Variants in KRT80 observed in about 807,000 individuals in gnomAD.
KRT80 encodes the protein keratin 80.
In KRT80, 36 loss-of-function variants were observed where a neutral mutation model predicts 51.5. The observed-to-expected ratio is 0.70, with a 90% confidence interval of 0.54 to 0.92. The LOEUF is 0.92. Ranked by LOEUF, KRT80 falls within the 40% of genes least tolerant of loss-of-function variation. The pLI, the probability that KRT80 is intolerant of heterozygous loss-of-function variation, is 0.00. For synonymous variants in KRT80, 235 were observed against 248.3 expected (o/e 0.95, Z 0.50); for missense variants, 566 against 591.7 (o/e 0.96, Z 0.45).
At chr12:52,175,366 G>A (rs538920713) in intron 4 of KRT80, among the ~76,000 whole-genome samples, 7 of 152,222 alleles carry the variant, frequency 4.6e-5, no homozygotes, top group East Asian at 1.9e-4. Flanking sequence ...CGGTGCACCC[G>A]GATGCCTGCT....
chr12:52,173,458 C>T (rs538689776), intron 5 of KRT80, 142 bp downstream of exon 5: 10 of 792,254 alleles, frequency 1.3e-5, no homozygotes, highest in African/African-American at 5.1e-5. Flanking sequence ...CCGCCCGCCC[C>T]GTCCCTGTGC....
At position 52,171,381 on chromosome 12, in the gene KRT80, C is replaced by A; in HGVS notation, c.*17G>T. ...TGCTGCAGTGGAGTGCCCTGGGGTT[C>A]CTGGGGTCCAGCCGCCTTACTCTGA... On this transcript the variant is annotated 3_prime_UTR_variant, in exon 9 of 9. Transcript: ENST00000394815. 2 of 1,560,458 alleles carry A rather than the reference C, an allele frequency of 1.3e-6. No individual in the cohort carries two copies. Among genetic ancestry groups the A allele is most frequent in the South Asian group, 2.5e-5 (2 of 80,938 alleles).
At chr12:52,185,672 A>G (rs780305416) in intron 1 of KRT80, 85 bp from the exon 2 acceptor site, 2 of 1,546,702 alleles carry the variant, frequency 1.3e-6, no homozygotes, top group South Asian at 2.3e-5. Context: ...GAGCCCACGG[A>G]GGGCTCCCTG....
Position 52,170,097 on chromosome 12 carries a change from G to A in KRT80, c.*1301C>T, listed in dbSNP as rs1488084544. 2 of 152,446 alleles carry A rather than the reference G, an allele frequency of 1.3e-5. No individual in the cohort carries two copies. The highest frequency in any genetic ancestry group is 2.9e-5 in the Non-Finnish European group (2 of 68,184). The allele number at this position is 152,446 out of a possible 1,614,324, so 9.4% of individuals were successfully genotyped here. A position where few individuals can be genotyped will look rare whatever the true frequency, so the allele number is the denominator to read the frequency against. On this transcript the variant is annotated 3_prime_UTR_variant, in exon 9 of 9. Transcript: ENST00000394815. ...CATTGAGAGCCAAGAGGAGGAGATA[G>A]GAGTATGCCTGCCAACACCCCTGTC...
rs376004589 is a variant in KRT80 at position 52,171,349 on chromosome 12, T to A, written c.*49A>T. On this transcript the variant is annotated 3_prime_UTR_variant, in exon 9 of 9. Transcript: ENST00000394815. Reference sequence around the variant, plus strand: ...GCTGCTTTCTTGAGTCTAGCTTAAGTCCCTCCTGCTGCAGTGGAGTGCCCT... The same window carrying A: ...GCTGCTTTCTTGAGTCTAGCTTAAGACCCTCCTGCTGCAGTGGAGTGCCCT... 1 of 1,520,696 alleles carries A rather than the reference T, an allele frequency of 6.6e-7. No individual in the cohort carries two copies. The allele number at this position is 1,520,696 out of a possible 1,614,324, so 94.2% of individuals were successfully genotyped here.
In KRT80 at chr12:52,171,487, G is replaced by A. The variant is rs774487570; in HGVS notation, c.1270C>T (p.Arg424Ter). 6.2e-6 allele frequency: 10 copies of A among 1,612,902 alleles called. No individual in the cohort carries two copies. Among genetic ancestry groups the A allele is most frequent in the East Asian group, 4.5e-5 (2 of 44,814 alleles). The change falls in exon 9 of 9, where the codon CGA (arginine) becomes TGA (stop). Residue 424 changes from arginine (R) to a stop codon, truncating the protein, a stop_gained. Transcript: ENST00000394815. LOFTEE classifies it high-confidence loss of function. ...SRSGLSKAPS[R>*]KKKGSKGPVI... ...GGGCCTTTGCTGCCCTTCTTCTTTC[G>A]GGAGGGGGCCTTGGAGAGGCCTGAT... is the stretch of plus-strand genomic sequence containing the variant.
chr12:52,186,195 T>A (rs1466543949), intron 1 of KRT80, among the ~76,000 whole-genome samples: 1 of 152,044 alleles, frequency 6.6e-6, no homozygotes. Context: ...CCACCCTGCC[T>A]GTCCTCTCTA....
chr12:52,180,854 G>T, intron 3 of KRT80, 49 bp downstream of exon 3: 1 of 1,605,284 alleles, frequency 6.2e-7, no homozygotes, highest in Non-Finnish European at 8.5e-7. Flanking sequence ...GGGAAAGAGG[G>T]CCCAGGGCCC....
chr12:52,175,668 G>C (rs2120885248), intron 4 of KRT80, among the ~76,000 whole-genome samples: 1 of 152,204 alleles, frequency 6.6e-6, no homozygotes. Context: ...GGGACAGCCT[G>C]TCTCTGCCCT....
intron 1 of KRT80, 32 bp from the exon 2 acceptor site, chr12:52,185,619 G>C (rs774764945): frequency 1.3e-6 from 2 of 1,596,288 alleles, no homozygotes; most frequent in Non-Finnish European, 1.7e-6. Flanking sequence ...GAATGGGTCA[G>C]GTGTGGACCA....
At chr12:52,179,974 T>C (rs1159714566) in intron 4 of KRT80, among the ~76,000 whole-genome samples, 2 of 152,260 alleles carry the variant, frequency 1.3e-5, no homozygotes, top group African/African-American at 2.4e-5. Context: ...GCTGTGTTGA[T>C]GCATGCCATG....
At chr12:52,181,062 G>A in intron 2 of KRT80, 99 bp from the exon 3 acceptor site, 2 of 829,978 alleles carry the variant, frequency 2.4e-6, no homozygotes, top group South Asian at 4.7e-5. Context: ...ATCCCACTTG[G>A]GGTCTCTTTG....
At chr12:52,185,754 G>C in intron 1 of KRT80, 167 bp from the exon 2 acceptor site, 1 of 1,395,962 alleles carries the variant, frequency 7.2e-7, no homozygotes, top group Non-Finnish European at 9.6e-7. Context: ...ATGACTGATT[G>C]TTAAAACTGA....
At chr12:52,184,275 G>A (rs1055042583) in intron 2 of KRT80, among the ~76,000 whole-genome samples, 3 of 152,146 alleles carry the variant, frequency 2.0e-5, no homozygotes, top group Non-Finnish European at 4.4e-5. Flanking sequence ...CTGGCTGGAG[G>A]TCTCCTTGCA....
chr12:52,185,241 G>C (rs1351405834), intron 2 of KRT80, 138 bp downstream of exon 2: 1 of 838,822 alleles, frequency 1.2e-6, no homozygotes, highest in African/African-American at 1.7e-5. Flanking sequence ...GCACATACCA[G>C]TCCCTCAATA....
intron 1 of KRT80, among the ~76,000 whole-genome samples, chr12:52,191,237 C>G (rs1941476212): frequency 6.6e-6 from 1 of 152,178 alleles, no homozygotes; most frequent in Non-Finnish European, 1.5e-5. Flanking sequence ...CCACTTGCCT[C>G]AGAGTAGGAC....
At position 52,169,828 on chromosome 12, in the gene KRT80, C is replaced by T. The variant is rs1286204608; in HGVS notation, c.*1570G>A. 1 of 152,282 alleles carries T rather than the reference C, an allele frequency of 6.6e-6. No homozygotes were observed. Among genetic ancestry groups the T allele is most frequent in the Non-Finnish European group, 1.5e-5 (1 of 68,062 alleles). 9.4% of individuals were successfully genotyped at this position (152,282 alleles called of 1,614,324 possible). A position where few individuals can be genotyped will look rare whatever the true frequency, so the allele number is the denominator to read the frequency against. On this transcript the variant is annotated 3_prime_UTR_variant, in exon 9 of 9. Coordinates refer to ENST00000394815, the MANE Select transcript of KRT80 (RefSeq NM_182507.3). ...CTTTTGGGACTTTGGGGATGAGAAT[C>T]TCTGAGTTCCCATGGCCAGAGAGTC... is the stretch of plus-strand genomic sequence containing the variant.
chr12:52,184,746 C>T (rs1941375585), intron 2 of KRT80, among the ~76,000 whole-genome samples: 1 of 152,182 alleles, frequency 6.6e-6, no homozygotes, highest in African/African-American at 2.4e-5. Context: ...GATATACTGC[C>T]CAGCAACTGT....
In KRT80 at chr12:52,171,058, C is replaced by G. The variant is rs542111879; in HGVS notation, c.*340G>C. The stretch of plus-strand genomic sequence containing the variant: ...TGGGCAAGAGTCAGAGGGGCCTTGG[C>G]AGAGCCTGATGCTGGAGGAGGAGCC... On this transcript the variant is annotated 3_prime_UTR_variant, in exon 9 of 9. Coordinates refer to ENST00000394815, the MANE Select transcript of KRT80 (RefSeq NM_182507.3). 5.0e-6 allele frequency: 1 copy of G among 201,796 alleles called. No individual in the cohort carries two copies. The highest frequency in any genetic ancestry group is 1.4e-4 in the East Asian group (1 of 7,274). 12.5% of individuals were successfully genotyped at this position (201,796 alleles called of 1,614,324 possible).
Sources: allele counts gnomAD v4.1 joint callset (sites outside exome capture counted in the v4.1 genomes callset), GRCh38; gene constraint gnomAD v4.1.1; transcripts MANE v1.5; gene names NCBI Gene and HGNC (gene_info 2026-07-23, HGNC 2026-07-21).